OARD1: variants seen among roughly 807,000 people sequenced by gnomAD.
OARD1 encodes ADP-ribose glycohydrolase OARD1.
A neutral mutation model predicts 19.7 loss-of-function variants in OARD1; 19 were observed. The ratio of observed to expected loss-of-function variants is 0.96; its 90% CI spans 0.67 to 1.41. The LOEUF (loss-of-function observed/expected upper bound fraction) is 1.41, where lower values mean the gene tolerates loss of function less well. Ranked by LOEUF, OARD1 falls within the 40% of genes most tolerant of loss-of-function variation. The probability of loss-of-function intolerance (pLI) is 0.00; values close to 1 mark genes in which losing one functional copy is unlikely to be tolerated. For missense variants in OARD1, 190 were observed against 183.8 expected (o/e 1.03, Z -0.20); for synonymous variants, 70 against 61.8 (o/e 1.13, Z -0.62).
At chr6:41,081,416 G>C (rs754751552) in intron 1 of OARD1, among the ~76,000 whole-genome samples, 10 of 152,086 alleles carry the variant, frequency 6.6e-5, no homozygotes, top group African/African-American at 2.4e-4. Context: ...CGTGAACCCA[G>C]GAGGCAGAGC....
At chr6:41,076,316 CTTTCA>C (rs1280215500), upstream of OARD1, among the ~76,000 whole-genome samples, 5 of 152,154 alleles carry the variant, frequency 3.3e-5, no homozygotes, top group Admixed American at 6.5e-5. Context: ...TTTCATGAAA[CTTTCA>C]TTTCAGTTAC....
chr6:41,088,198 C>T (rs999729064), intron 1 of OARD1, among the ~76,000 whole-genome samples: 46 of 152,004 alleles, frequency 3.0e-4, no homozygotes, highest in Non-Finnish European at 5.1e-4. Flanking sequence ...GCGGGTGGAT[C>T]ACAAGGTCAG....
chr6:41,093,420 T>G (rs1218693195), intron 1 of OARD1, among the ~76,000 whole-genome samples: 1 of 151,998 alleles, frequency 6.6e-6, no homozygotes, highest in East Asian at 1.9e-4. Flanking sequence ...GGTCCAAGAT[T>G]CCTGCTTAGG....
chr6:41,089,043 T>G (rs1426471596), intron 1 of OARD1, among the ~76,000 whole-genome samples: 1 of 152,158 alleles, frequency 6.6e-6, no homozygotes, highest in Non-Finnish European at 1.5e-5. Flanking sequence ...TGGAGTGCAG[T>G]GGCGTGATCT....
chr6:41,095,605 A>ATT (rs1315872120), intron 1 of OARD1, among the ~76,000 whole-genome samples: 1 of 152,038 alleles, frequency 6.6e-6, no homozygotes, highest in East Asian at 1.9e-4. Context: ...TAATTTTTAA[A>ATT]TTTTTTGTAG....
At chr6:41,079,011 T>C (rs1763832620) in intron 1 of OARD1, 3 of 1,300,830 alleles carry the variant, frequency 2.3e-6, no homozygotes, top group Non-Finnish European at 3.3e-6. Context: ...TTAGTTTCTT[T>C]CCCCACCTTT....
rs10947945 is a variant in OARD1, at chr6:41,083,056, C to T, written c.-41-11381G>A. On this transcript the variant is annotated intron_variant, in intron 1 of 4. Coordinates refer to the OARD1 transcript ENST00000480585. Reference sequence around the variant, plus strand: ...TTTCATTAAGTGTGAATATTTCAGTCATGAATATTCTGTTCTAAGTAATTT... The same window carrying T: ...TTTCATTAAGTGTGAATATTTCAGTTATGAATATTCTGTTCTAAGTAATTT... 5.8e-3 allele frequency among the ~76,000 whole-genome samples: 884 copies of T among 152,288 alleles called. 4 individuals carry two copies. Among genetic ancestry groups the T allele is most frequent in the Non-Finnish European group, 9.7e-3 (657 of 68,016 alleles).
chr6:41,071,018 TA>T, intron 3 of OARD1, 113 bp downstream of exon 3: 1 of 1,157,588 alleles, frequency 8.6e-7, no homozygotes, highest in Non-Finnish European at 1.3e-6. Flanking sequence ...AGGAAAATCT[TA>T]AAAACATTTG....
chr6:41,076,150 G>C (rs1180609069), upstream of OARD1, among the ~76,000 whole-genome samples: 3 of 152,178 alleles, frequency 2.0e-5, no homozygotes, highest in Non-Finnish European at 4.4e-5. Flanking sequence ...GCTCACGACT[G>C]TAATCCCAGC....
intron 1 of OARD1, among the ~76,000 whole-genome samples, chr6:41,088,694 C>G (rs1229755022): frequency 6.6e-6 from 1 of 151,498 alleles, no homozygotes; most frequent in Non-Finnish European, 1.5e-5. Context: ...AAATGATCCT[C>G]CCACCTCAGT....
Position 41,068,268 on chromosome 6 carries a change from G to A in OARD1, c.356+573C>T, listed in dbSNP as rs146865506. ...AGAAAAGAGGTGAGGCCCATTTCCTGAAAAGAAAGCAAAGGGACTACTGAA... is the reference window on the plus strand; with the variant it reads ...AGAAAAGAGGTGAGGCCCATTTCCTAAAAAGAAAGCAAAGGGACTACTGAA... On this transcript the variant is annotated intron_variant, in intron 5 of 5. Coordinates refer to ENST00000424266, the MANE Select transcript of OARD1 (RefSeq NM_001329686.2). Among the ~76,000 whole-genome samples, 4 of 152,294 alleles carry A rather than the reference G, an allele frequency of 2.6e-5. No individual in the cohort carries two copies. In the East Asian group the frequency reaches 7.7e-4, roughly 29 times the overall value.
rs201917757 is a variant in OARD1, at chr6:41,071,190, A to C, written c.126T>G (p.Ala42=). The C allele has an allele frequency of 7.4e-4, 1,199 of 1,614,212 alleles. No homozygotes were observed. The highest frequency in any genetic ancestry group is 9.7e-4 in the Non-Finnish European group (1,149 of 1,180,010). The change falls in exon 3 of 6, where the codon GCT becomes GCG. Residue 42 remains alanine (A), a synonymous_variant. Coordinates refer to ENST00000424266, the MANE Select transcript of OARD1 (RefSeq NM_001329686.2). Reference sequence around the variant, plus strand: ...TCTTCTTAAAGAGGACAGCTATCCCAGCGCCCATGCGACAATCCTCACTGA... The same window carrying C: ...TCTTCTTAAAGAGGACAGCTATCCCCGCGCCCATGCGACAATCCTCACTGA... ...HCISEDCRMG[A]GIAVLFKKKF... is the part of the protein sequence containing the mutation.
intron 1 of OARD1, among the ~76,000 whole-genome samples, chr6:41,091,072 T>C (rs1465244264): frequency 6.6e-6 from 1 of 152,256 alleles, no homozygotes; most frequent in Non-Finnish European, 1.5e-5. Context: ...CCTCAAGTGC[T>C]GCTATTGATA....
intron 1 of OARD1, among the ~76,000 whole-genome samples, chr6:41,085,714 T>C (rs1178821686): frequency 1.3e-5 from 2 of 152,048 alleles, no homozygotes; most frequent in African/African-American, 4.8e-5. Flanking sequence ...GCATAATTTT[T>C]GGGCATAATT....
chr6:41,097,583 T>C (rs1358899732), intron 1 of OARD1: 2 of 626,918 alleles, frequency 3.2e-6, no homozygotes, highest in Non-Finnish European at 5.6e-6. Flanking sequence ...GCCTGGCAAA[T>C]TGAAGTTGCA....
chr6:41,070,145 G>A lies in OARD1; in HGVS notation c.185-11C>T. On this transcript the variant is annotated splice_polypyrimidine_tract_variant and intron_variant, in intron 3 of 5. Transcript: ENST00000424266. ...CTCCAGATTTCTTTTCTAAGAAAAA[G>A]TTATTTAATAGTAGAAATGAAAAAG... 1 of 1,428,850 alleles carries A rather than the reference G, an allele frequency of 7.0e-7. No homozygotes were observed. The highest frequency in any genetic ancestry group is 9.8e-7 in the Non-Finnish European group (1 of 1,020,842). The allele number at this position is 1,428,850 out of a possible 1,614,324, so 88.5% of individuals were successfully genotyped here.
intron 1 of OARD1, among the ~76,000 whole-genome samples, chr6:41,082,709 C>T (rs1445388426): frequency 1.3e-5 from 2 of 152,032 alleles, no homozygotes; most frequent in Non-Finnish European, 2.9e-5. Context: ...GTTATTCTTG[C>T]TATATGTATT....
chr6:41,071,289 C>CA lies in OARD1; in HGVS notation c.40-14dup, dbSNP rs770880918. The CA allele has an allele frequency of 1.4e-5, 23 of 1,611,906 alleles. No homozygotes were observed. The African/African-American group carries it at 2.7e-4, about 19-fold the overall frequency. On this transcript the variant is annotated splice_polypyrimidine_tract_variant and intron_variant, in intron 2 of 5. Coordinates refer to ENST00000424266, the MANE Select transcript of OARD1 (RefSeq NM_001329686.2). The stretch of plus-strand genomic sequence containing the variant: ...TCACATAAGTGATCTAAAAAATGTG[C>CA]AAAGGAAAAGACAATGTTTTATTAG...
chr6:41,083,090 G>C (rs560915956), intron 1 of OARD1, among the ~76,000 whole-genome samples: 1 of 152,346 alleles, frequency 6.6e-6, no homozygotes, highest in South Asian at 2.1e-4. Context: ...TTCTGTCAAA[G>C]ATAGAGTCTG....
Sources: allele counts gnomAD v4.1 joint callset (sites outside exome capture counted in the v4.1 genomes callset), GRCh38; gene constraint gnomAD v4.1.1; transcripts MANE v1.5; gene names NCBI Gene and HGNC (gene_info 2026-07-23, HGNC 2026-07-21).